The following NRG3 variants were observed in gnomAD, a reference collection of about 807,000 sequenced individuals.
The protein encoded by NRG3 is pro-neuregulin-3, membrane-bound isoform.
NRG3 carries 31 observed loss-of-function variants against 66.9 expected under a neutral mutation model. That is an observed-to-expected ratio of 0.46 (90% CI 0.35 to 0.63). The LOEUF is 0.63. Ranked by LOEUF, NRG3 falls within the 20% of genes least tolerant of loss-of-function variation. The pLI, the probability that NRG3 is intolerant of heterozygous loss-of-function variation, is 0.00. For missense variants in NRG3, 910 were observed against 878.9 expected (o/e 1.04, Z -0.45); for synonymous variants, 393 against 359.4 (o/e 1.09, Z -1.06).
intron 3 of NRG3, among the ~76,000 whole-genome samples, chr10:82,829,832 G>A (rs1158723094): frequency 6.6e-6 from 1 of 152,116 alleles, no homozygotes; most frequent in Non-Finnish European, 1.5e-5. Flanking sequence ...CAATCTCAAG[G>A]CTAATCAAAC....
intron 8 of NRG3, among the ~76,000 whole-genome samples, chr10:82,984,391 G>A (rs780546234): frequency 2.6e-5 from 4 of 152,194 alleles, no homozygotes; most frequent in Non-Finnish European, 5.9e-5. Context: ...TGGTTGTAAG[G>A]AAAGATGCTA....
chr10:82,786,543 G>A (rs1201888253), intron 3 of NRG3, among the ~76,000 whole-genome samples: 1 of 152,076 alleles, frequency 6.6e-6, no homozygotes, highest in Non-Finnish European at 1.5e-5. Flanking sequence ...ACAGATGGAG[G>A]GGAATTTGCC....
intron 1 of NRG3, among the ~76,000 whole-genome samples, chr10:82,280,532 A>G (rs1204186465): frequency 1.3e-5 from 2 of 152,214 alleles, no homozygotes; most frequent in Admixed American, 1.3e-4. Context: ...ATACTTTAGA[A>G]CATGACTGAA....
chr10:82,139,688 A>G (rs1247333915), intron 1 of NRG3, among the ~76,000 whole-genome samples: 1 of 152,166 alleles, frequency 6.6e-6, no homozygotes, highest in Non-Finnish European at 1.5e-5. Context: ...CTCTAAGCAA[A>G]AGTGAATAGT....
At chr10:81,927,920 C>T (rs1225413377) in intron 1 of NRG3, among the ~76,000 whole-genome samples, 1 of 152,042 alleles carries the variant, frequency 6.6e-6, no homozygotes, top group Non-Finnish European at 1.5e-5. Flanking sequence ...AAAACAGATT[C>T]CTTGTAGCAA....
chr10:82,852,866 G>A (rs571449870), intron 3 of NRG3, among the ~76,000 whole-genome samples: 2 of 152,266 alleles, frequency 1.3e-5, no homozygotes, highest in African/African-American at 4.8e-5. Flanking sequence ...GGGAGCATGA[G>A]GGTAAGACTT....
At chr10:82,322,460 A>G (rs910800882) in intron 1 of NRG3, among the ~76,000 whole-genome samples, 1 of 152,160 alleles carries the variant, frequency 6.6e-6, no homozygotes, top group Admixed American at 6.6e-5. Flanking sequence ...TGAATACAAG[A>G]GTTATATTGT....
rs115905646 is a variant in NRG3 at position 82,290,618 on chromosome 10, G to C, written c.824-68121G>C. Among the ~76,000 whole-genome samples the C allele has an allele frequency of 9.5e-3, 1,412 of 148,414 alleles. 30 individuals are homozygous for C. The highest frequency in any genetic ancestry group is 0.034 in the African/African-American group (1,347 of 39,074). On this transcript the variant is annotated intron_variant, in intron 1 of 8. Transcript: ENST00000372141. ...CTTGGTGGATAAACTAGAATTAGCA[G>C]TGCTCAATGACTTCAAATGATTTTT...
intron 2 of NRG3, among the ~76,000 whole-genome samples, chr10:82,521,483 C>G (rs1229039492): frequency 2.0e-5 from 3 of 151,868 alleles, no homozygotes; most frequent in Admixed American, 2.0e-4. Flanking sequence ...TGGGACCACA[C>G]GCGCCCGCCA....
intron 3 of NRG3, among the ~76,000 whole-genome samples, chr10:82,768,858 A>C (rs1019991628): frequency 6.6e-6 from 1 of 152,112 alleles, no homozygotes; most frequent in East Asian, 1.9e-4. Flanking sequence ...GTGTACCTAC[A>C]TTTCTGACGT....
intron 1 of NRG3, among the ~76,000 whole-genome samples, chr10:82,147,664 C>T (rs528137851): frequency 1.2e-4 from 19 of 152,298 alleles, no homozygotes; most frequent in African/African-American, 3.4e-4. Context: ...CTTTGTAAAG[C>T]GCCCCAGACC....
At chr10:82,165,705 G>C (rs1377373066) in intron 1 of NRG3, among the ~76,000 whole-genome samples, 1 of 150,892 alleles carries the variant, frequency 6.6e-6, no homozygotes, top group African/African-American at 2.4e-5. Flanking sequence ...TCTTTTTTTT[G>C]AGAGGGGGCG....
At chr10:82,030,629 T>TTTTC (rs2062522941) in intron 1 of NRG3, among the ~76,000 whole-genome samples, 1 of 151,564 alleles carries the variant, frequency 6.6e-6, no homozygotes, top group Non-Finnish European at 1.5e-5. Context: ...GAGGATATGA[T>TTTTC]CAAGACTTGA....
At chr10:82,734,961 C>G (rs942498952) in intron 2 of NRG3, among the ~76,000 whole-genome samples, 3 of 147,970 alleles carry the variant, frequency 2.0e-5, no homozygotes, top group East Asian at 2.0e-4. Context: ...AAGGCTGCAG[C>G]TAGCCACTGC....
At chr10:82,075,564 A>G (rs568328338) in intron 1 of NRG3, among the ~76,000 whole-genome samples, 1 of 152,214 alleles carries the variant, frequency 6.6e-6, no homozygotes, top group Non-Finnish European at 1.5e-5. Flanking sequence ...GAAAAAACAG[A>G]AAGTAGTGTG....
At chr10:82,359,918 C>T (rs969048025) in intron 2 of NRG3, among the ~76,000 whole-genome samples, 3 of 152,098 alleles carry the variant, frequency 2.0e-5, no homozygotes, top group Non-Finnish European at 4.4e-5. Flanking sequence ...CTGCCTGGAT[C>T]CAAGAGCCAG....
chr10:81,955,162 T>C (rs573341479), intron 1 of NRG3, among the ~76,000 whole-genome samples: 16 of 147,986 alleles, frequency 1.1e-4, no homozygotes, highest in Non-Finnish European at 2.2e-4. Flanking sequence ...GAATATATAA[T>C]ATATATAATA....
intron 2 of NRG3, among the ~76,000 whole-genome samples, chr10:82,495,946 G>T (rs184676819): frequency 1.3e-5 from 2 of 152,118 alleles, no homozygotes; most frequent in Admixed American, 1.3e-4. Context: ...CTATTTTGAA[G>T]GCTCCAGAGG....
intron 1 of NRG3, among the ~76,000 whole-genome samples, chr10:82,323,151 C>CT (rs563447577): frequency 5.1e-4 from 78 of 152,284 alleles, no homozygotes; most frequent in African/African-American, 1.8e-3. Context: ...GACAGTGTTG[C>CT]TTATAACCTT....
Sources: allele counts gnomAD v4.1 joint callset (sites outside exome capture counted in the v4.1 genomes callset), GRCh38; gene constraint gnomAD v4.1.1; transcripts MANE v1.5; gene names NCBI Gene and HGNC (gene_info 2026-07-23, HGNC 2026-07-21).